The following PTPRD variants were observed in gnomAD, a reference collection of about 807,000 sequenced individuals.
The protein encoded by PTPRD is receptor-type tyrosine-protein phosphatase delta.
In PTPRD, 34 loss-of-function variants were observed where a neutral mutation model predicts 214.5. The ratio of observed to expected loss-of-function variants is 0.16; its 90% CI spans 0.12 to 0.21. The LOEUF is 0.21. Ranked by LOEUF, PTPRD falls within the 10% of genes least tolerant of loss-of-function variation. The probability of loss-of-function intolerance (pLI) is 1.00; values close to 1 mark genes in which losing one functional copy is unlikely to be tolerated. For synonymous variants in PTPRD, 1,128 were observed against 845.7 expected (o/e 1.33, Z -5.79); for missense variants, 2,545 against 2,398.7 (o/e 1.06, Z -1.27).
At chr9:8,963,853 G>C (rs1286692066) in intron 11 of PTPRD, among the ~76,000 whole-genome samples, 2 of 151,984 alleles carry the variant, frequency 1.3e-5, no homozygotes. Context: ...GGTTCAAGGA[G>C]TCCTCCTGCC....
At chr9:10,487,834 C>CT (rs35046295) in intron 2 of PTPRD, among the ~76,000 whole-genome samples, 21,778 of 147,346 alleles carry the variant, frequency 0.15, 1,712 homozygotes, top group Non-Finnish European at 0.18. Context: ...TTTAGAAGAA[C>CT]TTTTTTTTTT....
chr9:8,509,031 G>A (rs955047632), intron 21 of PTPRD, among the ~76,000 whole-genome samples: 7 of 151,772 alleles, frequency 4.6e-5, no homozygotes, highest in Admixed American at 4.6e-4. Context: ...AAAAATCACA[G>A]GCCTTGAGAG....
At chr9:10,139,622 T>A (rs1042075199) in intron 3 of PTPRD, among the ~76,000 whole-genome samples, 23 of 152,086 alleles carry the variant, frequency 1.5e-4, no homozygotes, top group African/African-American at 4.8e-4. Context: ...GGAGATATGT[T>A]ATCCTACTTC....
rs185539440 is a variant in PTPRD at position 9,230,358 on chromosome 9, G to A, written c.-202-46995C>T. Among the ~76,000 whole-genome samples, 55 of 152,198 alleles carry A rather than the reference G, an allele frequency of 3.6e-4. No homozygotes were observed. The South Asian group carries it at 9.5e-3, about 26-fold the overall frequency. On this transcript the variant is annotated intron_variant, in intron 9 of 45. Coordinates refer to ENST00000381196, the MANE Select transcript of PTPRD (RefSeq NM_002839.4). ...CATATCAAAATGCTGGGAGGGTGGCGTACCCAGGTAGGATATGCCCCATTC... is the reference window on the plus strand; with the variant it reads ...CATATCAAAATGCTGGGAGGGTGGCATACCCAGGTAGGATATGCCCCATTC...
intron 5 of PTPRD, among the ~76,000 whole-genome samples, chr9:9,788,421 A>G (rs758055118): frequency 8.8e-4 from 133 of 151,656 alleles, no homozygotes; most frequent in Admixed American, 1.8e-3. Flanking sequence ...GCATGGTGGC[A>G]GGCGCCTGTA....
chr9:9,989,375 C>A (rs2154076940), intron 4 of PTPRD, among the ~76,000 whole-genome samples: 1 of 152,228 alleles, frequency 6.6e-6, no homozygotes, highest in South Asian at 2.1e-4. Flanking sequence ...CCAAGCTCCA[C>A]TGGTAGAGGA....
intron 4 of PTPRD, among the ~76,000 whole-genome samples, chr9:9,998,009 T>G (rs1238319267): frequency 6.6e-6 from 1 of 151,336 alleles, no homozygotes; most frequent in Admixed American, 6.6e-5. Context: ...CACCTTCTCC[T>G]CCAGCCTCTC....
intron 8 of PTPRD, among the ~76,000 whole-genome samples, chr9:9,408,340 T>C (rs1329081448): frequency 6.6e-6 from 1 of 151,806 alleles, no homozygotes; most frequent in Non-Finnish European, 1.5e-5. Flanking sequence ...TGAGAAAGCA[T>C]TTAAGAAAAT....
intron 8 of PTPRD, among the ~76,000 whole-genome samples, chr9:9,568,901 A>G (rs756881564): frequency 9.2e-5 from 14 of 151,872 alleles, no homozygotes; most frequent in Non-Finnish European, 1.9e-4. Flanking sequence ...ACTGTTTCCC[A>G]ATACTAGCCC....
At chr9:10,376,621 C>T (rs2154480525) in intron 2 of PTPRD, among the ~76,000 whole-genome samples, 2 of 151,792 alleles carry the variant, frequency 1.3e-5, no homozygotes, top group African/African-American at 4.8e-5. Context: ...GTATCATGAT[C>T]TAAACGAACC....
chr9:8,592,913 CAG>C (rs2094219383), intron 14 of PTPRD, among the ~76,000 whole-genome samples: 1 of 152,166 alleles, frequency 6.6e-6, no homozygotes, highest in South Asian at 2.1e-4. Flanking sequence ...AGAGGTTTGA[CAG>C]AAAGAATCAA....
intron 14 of PTPRD, among the ~76,000 whole-genome samples, chr9:8,605,251 C>T (rs950356850): frequency 6.6e-6 from 1 of 152,126 alleles, no homozygotes. Flanking sequence ...TTAAACCTGA[C>T]AATTTAATAT....
At position 10,001,067 on chromosome 9, in the gene PTPRD, G is replaced by A. The variant is rs116178923; in HGVS notation, c.-472+32651C>T. On this transcript the variant is annotated intron_variant, in intron 4 of 45. Coordinates refer to ENST00000381196, the MANE Select transcript of PTPRD (RefSeq NM_002839.4). ...ACCCCGCTCCCTCTATCTCTGTAGC[G>A]GGGAGCTTTTTTTTCTTCTTTCTTG... Among the ~76,000 whole-genome samples, 1,185 of 152,156 alleles carry A rather than the reference G, an allele frequency of 7.8e-3. 12 individuals are homozygous for A. The highest frequency in any genetic ancestry group is 0.027 in the African/African-American group (1,113 of 41,492).
intron 5 of PTPRD, among the ~76,000 whole-genome samples, chr9:9,907,601 T>C (rs1282201064): frequency 6.6e-6 from 1 of 151,976 alleles, no homozygotes; most frequent in Non-Finnish European, 1.5e-5. Context: ...TTTAACCTTA[T>C]TTCTTTTAAA....
At position 9,123,213 on chromosome 9, in the gene PTPRD, C is replaced by T. The variant is rs970771860; in HGVS notation, c.-143+60091G>A. On this transcript the variant is annotated intron_variant, in intron 10 of 45. Transcript: ENST00000381196. Reference sequence around the variant, plus strand: ...AGGGTCAGTCATGCAGTCATGGCCTCATGCCATCTGTGCCATGTCACTCCA... The same window carrying T: ...AGGGTCAGTCATGCAGTCATGGCCTTATGCCATCTGTGCCATGTCACTCCA... Among the ~76,000 whole-genome samples, 7 of 152,258 alleles carry T rather than the reference C, an allele frequency of 4.6e-5. No homozygotes were observed. In the South Asian group the frequency reaches 1.4e-3, roughly 32 times the overall value.
At chr9:10,356,840 C>T (rs953914900) in intron 2 of PTPRD, among the ~76,000 whole-genome samples, 17 of 151,944 alleles carry the variant, frequency 1.1e-4, no homozygotes, top group African/African-American at 3.6e-4. Flanking sequence ...CCACCATGCC[C>T]GGCTAATTTT....
chr9:9,845,124 ATATAGAGCAATATATATATATATTG>A lies in PTPRD; in HGVS notation c.-367-78298_-367-78274del, dbSNP rs1365062919. 7.3e-4 allele frequency among the ~76,000 whole-genome samples: 21 copies of A among 28,704 alleles called. 2 individuals carry two copies. The highest frequency in any genetic ancestry group is 4.0e-3 in the Admixed American group (7 of 1,768). The allele number at this position is 28,704 out of a possible 152,430, so 18.8% of individuals were successfully genotyped here. ...TATACTGCTATATATATTGCTCTATATATAGAGCAATATATATATATATTGCTCTATATATAGAGCAATATATATA... is the reference window on the plus strand; with the variant it reads ...TATACTGCTATATATATTGCTCTATACTCTATATATAGAGCAATATATATA... On this transcript the variant is annotated intron_variant, in intron 5 of 45. Transcript: ENST00000381196.
intron 7 of PTPRD, among the ~76,000 whole-genome samples, chr9:9,586,105 T>C (rs901566787): frequency 2.0e-5 from 3 of 151,986 alleles, no homozygotes; most frequent in African/African-American, 7.2e-5. Flanking sequence ...CCTGGGCTAG[T>C]TGCGGTGGAG....
At position 8,521,553 on chromosome 9, in the gene PTPRD, C is replaced by G. The variant is rs1219774902; in HGVS notation, c.692-7G>C. ...CTTGGTGGGACACGGCGAACTGGAA[C>G]AAAACACAAGGGAAATGATAACATA... On this transcript the variant is annotated splice_polypyrimidine_tract_variant and splice_region_variant and intron_variant, in intron 19 of 45. Coordinates refer to ENST00000381196, the MANE Select transcript of PTPRD (RefSeq NM_002839.4). 1.9e-6 allele frequency: 3 copies of G among 1,611,600 alleles called. No individual in the cohort carries two copies. Among genetic ancestry groups the G allele is most frequent in the Non-Finnish European group, 2.5e-6 (3 of 1,178,702 alleles).
Sources: gnomAD v4.1 joint callset for allele counts (sites outside exome capture counted in the v4.1 genomes callset) on GRCh38, gnomAD v4.1.1 for gene constraint, MANE v1.5 for transcripts, NCBI Gene and HGNC (gene_info 2026-07-23, HGNC 2026-07-21) for gene names.